PALD1: variants seen among roughly 807,000 people sequenced by gnomAD.
PALD1 encodes paladin.
A neutral mutation model predicts 96.0 loss-of-function variants in PALD1; 57 were observed. That is an observed-to-expected ratio of 0.59 (90% confidence interval 0.48 to 0.74). The LOEUF (loss-of-function observed/expected upper bound fraction) is 0.74. Ranked by LOEUF, PALD1 falls within the 30% of genes least tolerant of loss-of-function variation. The pLI is 0.00. For missense variants in PALD1, 1,063 were observed against 1,143.7 expected (o/e 0.93, Z 1.02); for synonymous variants, 464 against 473.6 (o/e 0.98, Z 0.26).
upstream of PALD1, among the ~76,000 whole-genome samples, chr10:70,473,900 CCCT>C (rs368983859): frequency 9.6e-4 from 119 of 123,788 alleles, no homozygotes; most frequent in South Asian, 4.9e-3. Flanking sequence ...CACCCCCCCC[CCCT>C]CAGCCTCCCA....
chr10:70,544,261 G>GT (rs1343950571), intron 17 of PALD1, among the ~76,000 whole-genome samples: 1 of 152,050 alleles, frequency 6.6e-6, no homozygotes, highest in Non-Finnish European at 1.5e-5. Context: ...GAGGGATCAA[G>GT]TGTGCAAAGG....
intron 1 of PALD1, among the ~76,000 whole-genome samples, chr10:70,502,056 T>G (rs1355561491): frequency 6.6e-6 from 1 of 151,934 alleles, no homozygotes; most frequent in East Asian, 1.9e-4. Flanking sequence ...CCCAGTGCCC[T>G]GGGAGACTGA....
At chr10:70,467,214 G>C in the PALD1 span, among the ~76,000 whole-genome samples, 17 of 152,232 alleles carry the variant, frequency 1.1e-4, no homozygotes, top group Admixed American at 5.9e-4. Flanking sequence ...TTGGGAAAGA[G>C]GCCCCCTGGG....
chr10:70,459,546 G>T, the PALD1 span, among the ~76,000 whole-genome samples: 1 of 152,180 alleles, frequency 6.6e-6, no homozygotes, highest in African/African-American at 2.4e-5. Flanking sequence ...GTGCCAACCT[G>T]GCATGGAGGG....
At chr10:70,489,570 C>G (rs1252687082) in intron 1 of PALD1, among the ~76,000 whole-genome samples, 1 of 152,066 alleles carries the variant, frequency 6.6e-6, no homozygotes, top group Non-Finnish European at 1.5e-5. Context: ...AGGGGAGGAC[C>G]TGGCAGGGAG....
intron 9 of PALD1, 34 bp downstream of exon 9, chr10:70,534,558 G>T (rs970313022): frequency 6.7e-7 from 1 of 1,484,748 alleles, no homozygotes; most frequent in Non-Finnish European, 9.3e-7. Flanking sequence ...TGGGGCAGGG[G>T]TGGTGGAGGG....
At chr10:70,554,294 T>G (rs1847544910) in intron 18 of PALD1, among the ~76,000 whole-genome samples, 1 of 152,124 alleles carries the variant, frequency 6.6e-6, no homozygotes, top group African/African-American at 2.4e-5. Context: ...CCGAGCGTGG[T>G]GGCGCACACC....
rs752665417 is a variant in PALD1, at chr10:70,564,481, G to A, written c.2380G>A (p.Asp794Asn). ...CGCGTACCTCCACCTGGAGAAGGCCGACTCCTGGCAGAGGCCCTTCAGCAC... is the reference window on the plus strand; with the variant it reads ...CGCGTACCTCCACCTGGAGAAGGCCAACTCCTGGCAGAGGCCCTTCAGCAC... ...FNAYLHLEKA[D>N]SWQRPFSTWM... The change falls in exon 19 of 20, where the codon GAC (aspartate) becomes AAC (asparagine). Residue 794 changes from aspartate to asparagine, a missense_variant. Physicochemically the swap from Asp to Asn is conservative, Grantham distance 23 (BLOSUM62 1). Transcript: ENST00000263563. 8 of 1,614,004 alleles carry A rather than the reference G, an allele frequency of 5.0e-6. No individual in the cohort carries two copies. The African/African-American group carries it at 6.7e-5, about 13-fold the overall frequency.
chr10:70,536,474 C>A (rs1399938123), intron 10 of PALD1, among the ~76,000 whole-genome samples: 1 of 152,174 alleles, frequency 6.6e-6, no homozygotes, highest in African/African-American at 2.4e-5. Context: ...TGTTGAGCAG[C>A]TTCATGAAAA....
intron 19 of PALD1, among the ~76,000 whole-genome samples, chr10:70,564,968 C>G (rs1341551727): frequency 3.3e-5 from 5 of 152,210 alleles, no homozygotes; most frequent in Admixed American, 1.3e-4. Context: ...TCCCTCCAGC[C>G]GTGACCTTGG....
chr10:70,538,153 A>G (rs1004665492), intron 11 of PALD1, 127 bp from the exon 12 acceptor site: 2 of 1,025,812 alleles, frequency 1.9e-6, no homozygotes, highest in African/African-American at 1.6e-5. Context: ...TCTCTCAGCC[A>G]CTCCCTTGTC....
chr10:70,505,639 C>CAA (rs1410022037), intron 1 of PALD1, among the ~76,000 whole-genome samples: 34 of 96,338 alleles, frequency 3.5e-4, no homozygotes, highest in African/African-American at 1.2e-3. Context: ...CAAAACAAAA[C>CAA]AAAACAAAAA....
intron 18 of PALD1, among the ~76,000 whole-genome samples, chr10:70,562,966 T>C (rs1847772170): frequency 1.3e-5 from 2 of 152,162 alleles, no homozygotes; most frequent in Admixed American, 1.3e-4. Flanking sequence ...ATACATCTTC[T>C]GTTAACAAGT....
At chr10:70,514,458 A>G (rs1321195189) in intron 1 of PALD1, among the ~76,000 whole-genome samples, 2 of 151,760 alleles carry the variant, frequency 1.3e-5, no homozygotes, top group South Asian at 2.1e-4. Context: ...CAGCCCCCAG[A>G]CAGCTTTATT....
In PALD1 at chr10:70,539,470, G is replaced by C. The variant is rs1027020011; in HGVS notation, c.1726-110G>C. 7 of 1,130,276 alleles carry C rather than the reference G, an allele frequency of 6.2e-6. No homozygotes were observed. Among genetic ancestry groups the C allele is most frequent in the Non-Finnish European group, 8.6e-6 (7 of 814,904 alleles). 70.0% of individuals were successfully genotyped at this position (1,130,276 alleles called of 1,614,324 possible). A position where few individuals can be genotyped will look rare whatever the true frequency, so the allele number is the denominator to read the frequency against. ...GACCCCTGAGGCTTGGGGGGGTCAG[G>C]GATGGGACTGGAAGCCAGGGCCAGG... On this transcript the variant is annotated intron_variant, in intron 14 of 19. Transcript: ENST00000263563. This position sits in a 1 kb window ranked among gnomAD's most constrained non-coding sequence, Gnocchi z 4.5.
chr10:70,480,432 A>G (rs1397561747), intron 1 of PALD1, among the ~76,000 whole-genome samples: 2 of 152,126 alleles, frequency 1.3e-5, no homozygotes, highest in Admixed American at 6.5e-5. Flanking sequence ...CCAGTTTCCT[A>G]TGAGTGCAGA....
rs145337663 is a variant in PALD1 at position 70,532,685 on chromosome 10, G to T, written c.698G>T (p.Trp233Leu). ...GTGTACCATAACACCGAGGACCTGT[G>T]GGGGGAGCCCCATGCTGTGGCCATC... ...YHVYHNTEDL[W>L]GEPHAVAIHG... The change falls in exon 6 of 20, where the codon TGG (tryptophan) becomes TTG (leucine). Residue 233 changes from tryptophan (W) to leucine (L), a missense_variant. Physicochemically the swap from Trp to Leu is moderately conservative, Grantham distance 61. Coordinates refer to ENST00000263563, the MANE Select transcript of PALD1 (RefSeq NM_014431.3). 1.1e-3 allele frequency: 1,771 copies of T among 1,614,060 alleles called. 10 individuals carry two copies. In the African/African-American group the frequency reaches 0.015, roughly 13 times the overall value.
Position 70,540,997 on chromosome 10 carries a change from C to T in PALD1, c.1909-105C>T, listed in dbSNP as rs552315742. ...TGCAAGCTTGGGAGCCTGACAATTT[C>T]TGGCCCGAGGACAGTGGCTGGGGCT... On this transcript the variant is annotated intron_variant, in intron 15 of 19. Coordinates refer to ENST00000263563, the MANE Select transcript of PALD1 (RefSeq NM_014431.3). This position sits in a 1 kb window ranked among gnomAD's most constrained non-coding sequence, Gnocchi z 4.2. 874 of 1,291,416 alleles carry T rather than the reference C, an allele frequency of 6.8e-4. 5 individuals carry two copies. The highest frequency in any genetic ancestry group is 1.3e-3 in the Admixed American group (54 of 42,356). 80.0% of individuals were successfully genotyped at this position (1,291,416 alleles called of 1,614,324 possible). A position where few individuals can be genotyped will look rare whatever the true frequency, so the allele number is the denominator to read the frequency against.
Position 70,520,935 on chromosome 10 carries a change from G to A in PALD1, c.-29-4988G>A, listed in dbSNP as rs1201846133. ...TCGAATTCCTGACCTTAGATGATCC[G>A]CCCGCCTCAGCCTCCCAAAATGCTG... On this transcript the variant is annotated intron_variant, in intron 1 of 19. Transcript: ENST00000263563. Among the ~76,000 whole-genome samples, 4 of 151,728 alleles carry A rather than the reference G, an allele frequency of 2.6e-5. No homozygotes were observed. In the East Asian group the frequency reaches 5.8e-4, roughly 22 times the overall value.
Sources: gnomAD v4.1 joint callset for allele counts (sites outside exome capture counted in the v4.1 genomes callset) on GRCh38, gnomAD v4.1.1 for gene constraint, Gnocchi (gnomAD v3.1) non-coding constraint, MANE v1.5 for transcripts, NCBI Gene and HGNC (gene_info 2026-07-23, HGNC 2026-07-21) for gene names.